The following TULP4 variants were observed in gnomAD, a reference collection of about 807,000 sequenced individuals.
The protein encoded by TULP4 is TUB like protein 4, also known as tubby-related protein 4.
Under a neutral mutation model 129.0 loss-of-function variants are expected in TULP4, and 16 were observed. The observed-to-expected ratio is 0.12, with a 90% CI of 0.08 to 0.19. The LOEUF (loss-of-function observed/expected upper bound fraction) is 0.19, where lower values mean the gene tolerates loss of function less well. Ranked by LOEUF, TULP4 falls within the 10% of genes least tolerant of loss-of-function variation. TULP4 has a pLI of 1.00. For missense variants in TULP4, 1,842 were observed against 2,059.1 expected (o/e 0.89, Z 2.04); for synonymous variants, 998 against 854.0 (o/e 1.17, Z -2.94).
chr6:158,337,827 C>T (rs542730427), intron 1 of TULP4, among the ~76,000 whole-genome samples: 2 of 150,794 alleles, frequency 1.3e-5, no homozygotes, highest in South Asian at 4.2e-4. Context: ...ACTTTTGGGA[C>T]TGAAACAAAG....
At chr6:158,340,108 A>C (rs1237154480) in intron 1 of TULP4, among the ~76,000 whole-genome samples, 1 of 152,156 alleles carries the variant, frequency 6.6e-6, no homozygotes, top group African/African-American at 2.4e-5. Flanking sequence ...AGTTGACCTT[A>C]CTGTAGGCAG....
intron 3 of TULP4, among the ~76,000 whole-genome samples, chr6:158,433,319 A>G (rs1469047769): frequency 6.6e-6 from 1 of 152,244 alleles, no homozygotes; most frequent in African/African-American, 2.4e-5. Flanking sequence ...AATTTTGGCA[A>G]GAATACTTTA....
At chr6:158,247,744 A>G (rs146023781) in intron 1 of TULP4, among the ~76,000 whole-genome samples, 1 of 152,212 alleles carries the variant, frequency 6.6e-6, no homozygotes, top group African/African-American at 2.4e-5. Context: ...GTTTACCTCC[A>G]TGGGGAAATG....
At chr6:158,267,077 C>G (rs1340141254) in intron 1 of TULP4, among the ~76,000 whole-genome samples, 1 of 152,190 alleles carries the variant, frequency 6.6e-6, no homozygotes, top group Admixed American at 6.5e-5. Context: ...CTTTTTATAT[C>G]TGGCTTATTT....
intron 1 of TULP4, among the ~76,000 whole-genome samples, chr6:158,301,814 A>G (rs1779135791): frequency 6.6e-6 from 1 of 152,184 alleles, no homozygotes; most frequent in Non-Finnish European, 1.5e-5. Flanking sequence ...GACTGCAGAG[A>G]TTGGAATCTC....
chr6:158,479,321 T>G (rs996820335), intron 6 of TULP4, among the ~76,000 whole-genome samples: 4 of 152,234 alleles, frequency 2.6e-5, no homozygotes, highest in Admixed American at 2.6e-4. Flanking sequence ...CAGAGCTCAG[T>G]TGGGTTTCAT....
chr6:158,426,718 A>C (rs943792102), intron 2 of TULP4, among the ~76,000 whole-genome samples: 1 of 152,166 alleles, frequency 6.6e-6, no homozygotes, highest in Non-Finnish European at 1.5e-5. Context: ...TTTTGGTTCC[A>C]TATGAATTTA....
chr6:158,367,796 T>C (rs910686668), intron 1 of TULP4, among the ~76,000 whole-genome samples: 1 of 151,946 alleles, frequency 6.6e-6, no homozygotes, highest in Non-Finnish European at 1.5e-5. Context: ...ATCCCAGCAC[T>C]TTGGGAGGTT....
intron 1 of TULP4, among the ~76,000 whole-genome samples, chr6:158,239,989 G>A (rs1312995989): frequency 8.6e-5 from 9 of 104,730 alleles, no homozygotes; most frequent in East Asian, 3.4e-4. Context: ...GGCTGGGCGG[G>A]GGGCTGACCC....
rs560867287 is a variant in TULP4, at chr6:158,298,231, CAT to C, written n.117-13819_117-13818del. ...ACTGATTTCATATTGTTCAAACACA[CAT>C]GTTTTACAATCAATTTGTACAGTTA... On this transcript the variant is annotated intron_variant and non_coding_transcript_variant, in intron 1 of 1. Transcript: ENST00000432358. 5.3e-3 allele frequency among the ~76,000 whole-genome samples: 812 copies of C among 152,296 alleles called. 7 individuals are homozygous for C. Among genetic ancestry groups the C allele is most frequent in the African/African-American group, 0.018 (749 of 41,556 alleles).
At chr6:158,461,410 T>C (rs948208178) in intron 5 of TULP4, among the ~76,000 whole-genome samples, 153 bp from the exon 6 acceptor site, 1 of 109,408 alleles carries the variant, frequency 9.1e-6, no homozygotes, top group African/African-American at 4.6e-5. Context: ...AAACTCCGTC[T>C]CAAAAAAAAA....
chr6:158,429,939 A>G (rs1157144435), intron 3 of TULP4, 42 bp downstream of exon 3: 4 of 1,591,114 alleles, frequency 2.5e-6, no homozygotes, highest in Non-Finnish European at 3.4e-6. Flanking sequence ...CGTTAAAACC[A>G]TGAGGGCTGG....
At chr6:158,414,379 C>A (rs1778159827) in intron 2 of TULP4, among the ~76,000 whole-genome samples, 1 of 93,726 alleles carries the variant, frequency 1.1e-5, no homozygotes, top group Non-Finnish European at 3.2e-5. Context: ...GCCGGAAATC[C>A]CACCCCATGA....
chr6:158,238,108 AC>A (rs1425080325), intron 1 of TULP4: 1 of 728,798 alleles, frequency 1.4e-6, no homozygotes, highest in African/African-American at 1.7e-5. Context: ...ACTAATGCAG[AC>A]ACCATGCCTG....
intron 1 of TULP4, among the ~76,000 whole-genome samples, chr6:158,234,634 C>T (rs1777655266): frequency 1.3e-5 from 2 of 152,102 alleles, no homozygotes; most frequent in African/African-American, 4.8e-5. Context: ...TGAGTACAAC[C>T]TCTTATGAAA....
intron 1 of TULP4, among the ~76,000 whole-genome samples, chr6:158,297,129 C>T (rs573765280): frequency 6.6e-6 from 1 of 152,144 alleles, no homozygotes; most frequent in African/African-American, 2.4e-5. Context: ...CCAGAGCGGC[C>T]GTTTATAGAC....
intron 1 of TULP4, chr6:158,238,412 ATTG>A (rs775068438): frequency 0.036 from 15,263 of 424,120 alleles, 215 homozygotes; most frequent in Middle Eastern, 0.067. Flanking sequence ...GCCTTGTTAA[ATTG>A]TTTTTTTTTT....
chr6:158,457,402 G>A (rs970102790), intron 5 of TULP4, among the ~76,000 whole-genome samples: 6 of 152,172 alleles, frequency 3.9e-5, no homozygotes, highest in African/African-American at 9.7e-5. Flanking sequence ...CTCAAAGGCC[G>A]GGTTCTGGGG....
chr6:158,416,826 A>G (rs1414554755), intron 2 of TULP4, among the ~76,000 whole-genome samples: 1 of 152,142 alleles, frequency 6.6e-6, no homozygotes, highest in East Asian at 1.9e-4. Context: ...TAGATGAACC[A>G]CTTTTTATCT....
Sources: allele counts gnomAD v4.1 joint callset (sites outside exome capture counted in the v4.1 genomes callset), GRCh38; gene constraint gnomAD v4.1.1; transcripts MANE v1.5; gene names NCBI Gene and HGNC (gene_info 2026-07-23, HGNC 2026-07-21).